Variants in GSAP observed in about 807,000 individuals in gnomAD.
GSAP encodes gamma-secretase-activating protein.
GSAP carries 118 observed loss-of-function variants against 131.7 expected under a neutral mutation model. The observed-to-expected ratio is 0.90, with a 90% CI of 0.77 to 1.04. The LOEUF is 1.04. GSAP is among the 50% of genes least tolerant of loss of function. The pLI is 0.00. For synonymous variants in GSAP, 381 were observed against 363.4 expected, an observed-to-expected ratio of 1.05 and a Z score of -0.55; for missense variants, 1,019 against 1,013.2, an observed-to-expected ratio of 1.01 and a Z score of -0.08.
At chr7:77,395,132 A>T (rs1194432378) in intron 5 of GSAP, among the ~76,000 whole-genome samples, 1 of 152,112 alleles carries the variant, frequency 6.6e-6, no homozygotes, top group Non-Finnish European at 1.5e-5. Context: ...ATAAAGGACT[A>T]CTGTTCTGTG....
At chr7:77,387,472 G>A (rs1270562883) in intron 5 of GSAP, 24 bp from the exon 6 acceptor site, 5 of 1,269,094 alleles carry the variant, frequency 3.9e-6, no homozygotes, top group Admixed American at 3.4e-5. Flanking sequence ...AAGGCTTTTA[G>A]TAACGAAGAT....
At position 77,312,213 on chromosome 7, in the gene GSAP, A is replaced by T. The variant is rs771859608; in HGVS notation, c.2272-11T>A. The T allele has an allele frequency of 2.9e-6, 4 of 1,387,090 alleles. No homozygotes were observed. The East Asian group carries it at 9.1e-5, about 32-fold the overall frequency. The allele number at this position is 1,387,090 out of a possible 1,614,324, so 85.9% of individuals were successfully genotyped here. On this transcript the variant is annotated splice_polypyrimidine_tract_variant and intron_variant, in intron 28 of 30. Transcript: ENST00000257626. ...CTTCTGCCCAATAAGCTATTATGCA[A>T]ATTGAAAAAAATGTAGCGAATACCA...
chr7:77,372,069 C>T (rs148731913), intron 12 of GSAP, among the ~76,000 whole-genome samples: 64 of 152,340 alleles, frequency 4.2e-4, no homozygotes, highest in East Asian at 4.0e-3. Context: ...GAAGTACTCT[C>T]ACTAAAAATG....
Position 77,414,844 on chromosome 7 carries a change from CTTTTTTTTTTTTTTT to C in GSAP, c.109+1354_109+1368del, listed in dbSNP as rs57095326. ...AAAAACTTTTCAGACATGTGGGCGACTTTTTTTTTTTTTTTTTTTTTTTTTTTTTTTGAGACGGAG... is the reference window on the plus strand; with the variant it reads ...AAAAACTTTTCAGACATGTGGGCGACTTTTTTTTTTTTTTTTGAGACGGAG... On this transcript the variant is annotated intron_variant, in intron 1 of 30. Coordinates refer to ENST00000257626, the MANE Select transcript of GSAP (RefSeq NM_017439.4). 1.5e-3 allele frequency among the ~76,000 whole-genome samples: 88 copies of C among 59,880 alleles called. 2 individuals are homozygous for C. The Middle Eastern group carries it at 0.035, about 24-fold the overall frequency. 39.3% of individuals were successfully genotyped at this position (59,880 alleles called of 152,430 possible).
intron 24 of GSAP, among the ~76,000 whole-genome samples, chr7:77,322,072 T>C (rs1168115197): frequency 6.6e-6 from 1 of 152,072 alleles, no homozygotes; most frequent in Non-Finnish European, 1.5e-5. Context: ...CCCTATGGAG[T>C]TGTTATCAGC....
chr7:77,413,187 T>C (rs1462793812), intron 1 of GSAP, among the ~76,000 whole-genome samples: 2 of 152,198 alleles, frequency 1.3e-5, no homozygotes, highest in African/African-American at 4.8e-5. Flanking sequence ...CAAGTCCTGG[T>C]AGGTGAGAAG....
At chr7:77,379,781 TG>T in intron 8 of GSAP, 1 of 685,066 alleles carries the variant, frequency 1.5e-6, no homozygotes. Context: ...CCCATCCGTC[TG>T]TCCTTGTTCT....
chr7:77,361,510 A>G, intron 13 of GSAP, among the ~76,000 whole-genome samples: 1 of 152,200 alleles, frequency 6.6e-6, no homozygotes, highest in Non-Finnish European at 1.5e-5. Flanking sequence ...TCTAGTTCTG[A>G]AGTTACTTTA....
At chr7:77,346,297 A>AAG (rs1221854823) in intron 19 of GSAP, among the ~76,000 whole-genome samples, 18 of 150,994 alleles carry the variant, frequency 1.2e-4, no homozygotes, top group African/African-American at 4.4e-4. Flanking sequence ...AAAAGAAAGA[A>AAG]AGAAAAAAAA....
intron 19 of GSAP, among the ~76,000 whole-genome samples, chr7:77,345,241 A>G (rs1315672960): frequency 6.6e-6 from 1 of 152,154 alleles, no homozygotes; most frequent in Non-Finnish European, 1.5e-5. Flanking sequence ...GCTCCTTCTA[A>G]CAACCCCACA....
At chr7:77,416,038 G>A (rs1263747359) in intron 1 of GSAP, among the ~76,000 whole-genome samples, 175 bp downstream of exon 1, 2 of 152,240 alleles carry the variant, frequency 1.3e-5, no homozygotes, top group Non-Finnish European at 2.9e-5. Flanking sequence ...CTTCCGCCGT[G>A]GCTGGGTGTG....
Position 77,375,090 on chromosome 7 carries a change from G to T in GSAP, c.753C>A (p.Pro251=). The T allele has an allele frequency of 1.3e-6, 2 of 1,561,598 alleles. No individual in the cohort carries two copies. The highest frequency in any genetic ancestry group is 1.4e-5 in the African/African-American group (1 of 73,542). ...DESYNLMFEV[P]LDISLSNSGF... ...CTGAGTTGCTTAATGATATGTCCAA[G>T]GGTACTTCAAACTGTCAAAAAAATC... is the stretch of plus-strand genomic sequence containing the variant. Residue 251 remains proline, a synonymous_variant, in exon 11 of 31, where the codon CCC becomes CCA. Transcript: ENST00000257626.
chr7:77,410,799 G>C (rs1294112709), intron 1 of GSAP, among the ~76,000 whole-genome samples: 1 of 152,072 alleles, frequency 6.6e-6, no homozygotes, highest in Admixed American at 6.5e-5. Flanking sequence ...CATATTTAAG[G>C]AGAAAAACGT....
chr7:77,362,531 C>T, intron 13 of GSAP, 52 bp downstream of exon 13: 6 of 967,188 alleles, frequency 6.2e-6, no homozygotes, highest in Admixed American at 1.8e-5. Flanking sequence ...TAATTTGCTA[C>T]TATTTGGAAA....
chr7:77,314,104 A>C (rs1408221442), intron 27 of GSAP, among the ~76,000 whole-genome samples: 1 of 152,230 alleles, frequency 6.6e-6, no homozygotes, highest in African/African-American at 2.4e-5. Context: ...GAAACCTTAA[A>C]TTGGCCCAAA....
intron 11 of GSAP, among the ~76,000 whole-genome samples, chr7:77,374,393 CTT>C (rs906678633): frequency 5.3e-5 from 8 of 152,058 alleles, no homozygotes; most frequent in African/African-American, 1.9e-4. Context: ...ATTTTTATAA[CTT>C]TTCTGATATA....
chr7:77,335,259 G>A (rs978449475), intron 19 of GSAP, among the ~76,000 whole-genome samples: 2 of 152,012 alleles, frequency 1.3e-5, no homozygotes, highest in African/African-American at 2.4e-5. Context: ...AAATTAGCCC[G>A]GCATGGTGGT....
At chr7:77,412,208 A>C (rs891138491) in intron 1 of GSAP, among the ~76,000 whole-genome samples, 3 of 151,878 alleles carry the variant, frequency 2.0e-5, no homozygotes, top group Non-Finnish European at 4.4e-5. Flanking sequence ...AATGAAACAA[A>C]ATGAACTCAG....
chr7:77,356,401 A>G (rs1793733361), intron 14 of GSAP, among the ~76,000 whole-genome samples: 2 of 152,148 alleles, frequency 1.3e-5, no homozygotes, highest in African/African-American at 4.8e-5. Context: ...TTTTCTTCAT[A>G]ATTTCTGCCA....
Sources: allele counts gnomAD v4.1 joint callset (sites outside exome capture counted in the v4.1 genomes callset), GRCh38; gene constraint gnomAD v4.1.1; transcripts MANE v1.5; gene names NCBI Gene and HGNC (gene_info 2026-07-23, HGNC 2026-07-21).